The following NPAS3 variants were observed in gnomAD, a reference collection of about 807,000 sequenced individuals.
The protein encoded by NPAS3 is neuronal PAS domain-containing protein 3.
Under a neutral mutation model 73.1 loss-of-function variants are expected in NPAS3, and 14 were observed. The ratio of observed to expected loss-of-function variants is 0.19; its 90% CI spans 0.13 to 0.30. The LOEUF is 0.30. NPAS3 is among the 10% of genes least tolerant of loss of function. NPAS3 has a pLI of 1.00. For synonymous variants in NPAS3, 620 were observed against 541.5 expected (o/e 1.14, Z -2.01); for missense variants, 1,096 against 1,250.0 (o/e 0.88, Z 1.86).
At chr14:33,114,353 A>T (rs150584329) in intron 2 of NPAS3, among the ~76,000 whole-genome samples, 5 of 152,090 alleles carry the variant, frequency 3.3e-5, no homozygotes, top group African/African-American at 7.2e-5. Context: ...TGATTTTTTA[A>T]TGTTATTCAG....
At chr14:33,624,461 T>G (rs1295444121) in intron 5 of NPAS3, among the ~76,000 whole-genome samples, 1 of 152,180 alleles carries the variant, frequency 6.6e-6, no homozygotes, top group East Asian at 1.9e-4. Context: ...TTTTTATGAT[T>G]GAGTAAAGTT....
At chr14:32,964,121 A>C (rs1009525345) in intron 1 of NPAS3, among the ~76,000 whole-genome samples, 2 of 148,742 alleles carry the variant, frequency 1.3e-5, no homozygotes, top group Admixed American at 1.4e-4. Flanking sequence ...CCCAACTGGG[A>C]AAGTTTCTTC....
At chr14:32,981,898 A>G (rs1223816819) in intron 1 of NPAS3, among the ~76,000 whole-genome samples, 1 of 152,200 alleles carries the variant, frequency 6.6e-6, no homozygotes, top group Non-Finnish European at 1.5e-5. Flanking sequence ...ATCCACTCTT[A>G]GGGTGTCAAA....
chr14:33,335,043 CGTGT>C (rs59212032), intron 3 of NPAS3, among the ~76,000 whole-genome samples: 4,258 of 147,060 alleles, frequency 0.029, 85 homozygotes, highest in Non-Finnish European at 0.044. Flanking sequence ...TGTGTGTGTG[CGTGT>C]GTGTGTGTGT....
At chr14:33,567,007 A>G (rs949533325) in intron 5 of NPAS3, among the ~76,000 whole-genome samples, 1 of 152,202 alleles carries the variant, frequency 6.6e-6, no homozygotes, top group Non-Finnish European at 1.5e-5. Flanking sequence ...TTTTTCTTCC[A>G]CAGGGTAATA....
intron 4 of NPAS3, among the ~76,000 whole-genome samples, chr14:33,484,520 G>A (rs868460472): frequency 6.6e-6 from 1 of 152,102 alleles, no homozygotes; most frequent in African/African-American, 2.4e-5. Flanking sequence ...ACCCAGAAAG[G>A]ACTGTCAGAA....
At chr14:32,994,598 G>C (rs1290573952) in intron 1 of NPAS3, among the ~76,000 whole-genome samples, 2 of 149,874 alleles carry the variant, frequency 1.3e-5, no homozygotes, top group Non-Finnish European at 3.0e-5. Context: ...AATTGGATAG[G>C]CTCGCCATTC....
chr14:33,348,819 C>T (rs763100006), intron 3 of NPAS3, among the ~76,000 whole-genome samples: 1 of 152,048 alleles, frequency 6.6e-6, no homozygotes, highest in Non-Finnish European at 1.5e-5. Context: ...TTAGGGATGT[C>T]GCAGGTTTCC....
chr14:33,732,542 C>T (rs1480273440), intron 6 of NPAS3, among the ~76,000 whole-genome samples: 1 of 152,082 alleles, frequency 6.6e-6, no homozygotes, highest in African/African-American at 2.4e-5. Flanking sequence ...TTACTTGTGC[C>T]CCTGTCCTCA....
At chr14:33,012,641 C>T (rs1025884635) in intron 1 of NPAS3, among the ~76,000 whole-genome samples, 1 of 152,020 alleles carries the variant, frequency 6.6e-6, no homozygotes, top group Non-Finnish European at 1.5e-5. Context: ...CTCCGCCTCC[C>T]GGGTTCAAGC....
chr14:33,338,928 A>G (rs1720521235), intron 3 of NPAS3, among the ~76,000 whole-genome samples: 1 of 152,138 alleles, frequency 6.6e-6, no homozygotes, highest in Non-Finnish European at 1.5e-5. Flanking sequence ...AAGCTCATAC[A>G]TCTTCTCTTA....
At chr14:33,296,640 A>AT (rs961855609) in intron 3 of NPAS3, among the ~76,000 whole-genome samples, 1 of 152,186 alleles carries the variant, frequency 6.6e-6, no homozygotes, top group African/African-American at 2.4e-5. Context: ...CTGCTTCCAG[A>AT]TTTGCAAAGC....
At chr14:33,648,082 T>G (rs1335747505) in intron 5 of NPAS3, among the ~76,000 whole-genome samples, 1 of 152,158 alleles carries the variant, frequency 6.6e-6, no homozygotes, top group African/African-American at 2.4e-5. Flanking sequence ...GCCCCCAGGT[T>G]ACAAGAAAGG....
At chr14:33,400,085 A>AT (rs2047386916) in intron 4 of NPAS3, among the ~76,000 whole-genome samples, 1 of 152,136 alleles carries the variant, frequency 6.6e-6, no homozygotes. Flanking sequence ...CCAAAAATGT[A>AT]TTTACAGCTT....
intron 2 of NPAS3, among the ~76,000 whole-genome samples, chr14:33,099,651 A>G (rs1241219404): frequency 6.6e-6 from 1 of 152,202 alleles, no homozygotes; most frequent in Admixed American, 6.5e-5. Flanking sequence ...TAGTACAAAG[A>G]TGTATAAAGT....
intron 2 of NPAS3, among the ~76,000 whole-genome samples, chr14:33,114,547 ACTT>A (rs1198290719): frequency 6.6e-6 from 1 of 152,160 alleles, no homozygotes; most frequent in Admixed American, 6.5e-5. Context: ...CTGAAAGGGT[ACTT>A]CTTATAAGAG....
intron 2 of NPAS3, among the ~76,000 whole-genome samples, chr14:33,094,129 G>T (rs1415099319): frequency 1.3e-5 from 2 of 150,934 alleles, no homozygotes; most frequent in Non-Finnish European, 3.0e-5. Flanking sequence ...AAAAAAAATT[G>T]CCCACCACCT....
intron 2 of NPAS3, among the ~76,000 whole-genome samples, chr14:33,129,024 T>C (rs1197270731): frequency 6.6e-6 from 1 of 152,064 alleles, no homozygotes; most frequent in African/African-American, 2.4e-5. Flanking sequence ...CCACAGGATT[T>C]TTTTCCAGGT....
intron 3 of NPAS3, among the ~76,000 whole-genome samples, chr14:33,361,836 T>C (rs1241292253): frequency 6.6e-6 from 1 of 152,004 alleles, no homozygotes; most frequent in Non-Finnish European, 1.5e-5. Flanking sequence ...ATACATGAGA[T>C]TTTTTTTCTG....
Sources: gnomAD v4.1 joint callset for allele counts (sites outside exome capture counted in the v4.1 genomes callset) on GRCh38, gnomAD v4.1.1 for gene constraint, MANE v1.5 for transcripts, NCBI Gene and HGNC (gene_info 2026-07-23, HGNC 2026-07-21) for gene names.